Variants in CAB39L observed in about 807,000 individuals in gnomAD.
CAB39L encodes the protein calcium-binding protein 39-like.
A neutral mutation model predicts 39.1 loss-of-function variants in CAB39L; 23 were observed. The observed-to-expected ratio is 0.59, with a 90% CI of 0.42 to 0.83. The LOEUF is 0.83. CAB39L is among the 40% of genes least tolerant of loss of function. The pLI is 0.00. For missense variants in CAB39L, 366 were observed against 391.9 expected, an observed-to-expected ratio of 0.93 and a Z score of 0.56; for synonymous variants, 126 against 137.2, an observed-to-expected ratio of 0.92 and a Z score of 0.57.
intron 9 of CAB39L, among the ~76,000 whole-genome samples, chr13:49,333,602 C>A (rs1390821830): frequency 1.8e-4 from 23 of 130,974 alleles, no homozygotes; most frequent in Non-Finnish European, 3.4e-4. Context: ...GACAGAGTGT[C>A]ACTCTGTCGC....
chr13:49,402,065 T>C (rs915329527), intron 3 of CAB39L, among the ~76,000 whole-genome samples: 4 of 152,096 alleles, frequency 2.6e-5, no homozygotes, highest in Admixed American at 2.6e-4. Flanking sequence ...ATAAAGAACA[T>C]AGAAAAATAT....
chr13:49,340,918 C>G (rs1259935656), intron 8 of CAB39L, among the ~76,000 whole-genome samples: 1 of 152,112 alleles, frequency 6.6e-6, no homozygotes, highest in Non-Finnish European at 1.5e-5. Context: ...CTAAATTACA[C>G]AAGAAGTGAT....
chr13:49,403,970 A>C (rs117713587), intron 3 of CAB39L, among the ~76,000 whole-genome samples: 97 of 152,336 alleles, frequency 6.4e-4, no homozygotes, highest in Non-Finnish European at 1.1e-3. Context: ...GGGGAAACTT[A>C]AAAGAACCTA....
chr13:49,310,588 A>C lies in CAB39L; in HGVS notation c.*226T>G. The C allele has an allele frequency of 2.3e-6, 1 of 432,860 alleles. No homozygotes were observed. Among genetic ancestry groups the C allele is most frequent in the Non-Finnish European group, 4.1e-6 (1 of 243,934 alleles). The allele number at this position is 432,860 out of a possible 1,614,324, so 26.8% of individuals were successfully genotyped here. On this transcript the variant is annotated 3_prime_UTR_variant, in exon 11 of 11. Coordinates refer to ENST00000409308, the MANE Select transcript of CAB39L (RefSeq NM_001079670.3). The stretch of plus-strand genomic sequence containing the variant: ...ATTGCTTTTATCAACATCTGATACA[A>C]TGGTTCTCATTTCACATAAATAATC...
intron 3 of CAB39L, among the ~76,000 whole-genome samples, chr13:49,411,207 G>A (rs577427809): frequency 6.6e-6 from 1 of 152,084 alleles, no homozygotes; most frequent in African/African-American, 2.4e-5. Flanking sequence ...CCAGGAGTTT[G>A]AGACCAGCCT....
At chr13:49,323,200 A>T (rs1185406488) in intron 10 of CAB39L, among the ~76,000 whole-genome samples, 1 of 152,142 alleles carries the variant, frequency 6.6e-6, no homozygotes, top group African/African-American at 2.4e-5. Flanking sequence ...CAACCTCAAG[A>T]TTCCCAGAGC....
At chr13:49,396,117 A>T (rs887159429) in intron 3 of CAB39L, among the ~76,000 whole-genome samples, 2 of 151,646 alleles carry the variant, frequency 1.3e-5, no homozygotes, top group African/African-American at 2.4e-5. Flanking sequence ...AACTTAAAAA[A>T]ATAACATTTT....
At chr13:49,362,115 G>A (rs1007687371) in intron 5 of CAB39L, among the ~76,000 whole-genome samples, 2 of 151,508 alleles carry the variant, frequency 1.3e-5, no homozygotes, top group Admixed American at 1.3e-4. Flanking sequence ...ATGTAAATAT[G>A]TATATATACA....
chr13:49,412,086 A>G (rs796460866), intron 3 of CAB39L, among the ~76,000 whole-genome samples: 12 of 152,124 alleles, frequency 7.9e-5, no homozygotes, highest in African/African-American at 2.9e-4. Context: ...TGCCATCCCC[A>G]CTGGAGTTGA....
Position 49,426,610 on chromosome 13 carries a change from A to G in CAB39L, c.-32+6708T>C, listed in dbSNP as rs577385068. Among the ~76,000 whole-genome samples the G allele has an allele frequency of 1.6e-3, 240 of 152,244 alleles. 1 individual carries two copies. The highest frequency in any genetic ancestry group is 5.7e-3 in the African/African-American group (235 of 41,536). ...CCCGGCTAATTTTTATATTTTTAGT[A>G]GAGACGGGGTTTCACCGTGTTAGCC... On this transcript the variant is annotated intron_variant, in intron 3 of 10. Transcript: ENST00000409308.
intron 3 of CAB39L, among the ~76,000 whole-genome samples, chr13:49,395,236 T>C (rs1054359653): frequency 1.3e-5 from 2 of 151,036 alleles, no homozygotes; most frequent in Admixed American, 1.3e-4. Flanking sequence ...GTCTTTTCTT[T>C]CTTTTTTTTT....
chr13:49,309,566 T>G lies in CAB39L; in HGVS notation c.*1248A>C, dbSNP rs577811664. 9.2e-5 allele frequency: 14 copies of G among 152,338 alleles called. No homozygotes were observed. Among genetic ancestry groups the G allele is most frequent in the African/African-American group, 3.4e-4 (14 of 41,582 alleles). The allele number at this position is 152,338 out of a possible 1,614,324, so 9.4% of individuals were successfully genotyped here. On this transcript the variant is annotated 3_prime_UTR_variant, in exon 11 of 11. Coordinates refer to ENST00000409308, the MANE Select transcript of CAB39L (RefSeq NM_001079670.3). ...CCTTTCATTCTTGTAAAATATCGCT[T>G]TAAAATCCCGTTTTAGATGGTTGAT...
At chr13:49,366,637 A>C (rs886636955) in intron 5 of CAB39L, among the ~76,000 whole-genome samples, 1 of 149,970 alleles carries the variant, frequency 6.7e-6, no homozygotes, top group African/African-American at 2.4e-5. Context: ...AAAAAAAAAA[A>C]AAAAAAAAAA....
intron 3 of CAB39L, among the ~76,000 whole-genome samples, chr13:49,390,940 T>C (rs1956476480): frequency 6.6e-6 from 1 of 151,644 alleles, no homozygotes; most frequent in Non-Finnish European, 1.5e-5. Context: ...GATGAGAGAG[T>C]AACAAATACA....
At chr13:49,329,222 T>C (rs1252592152) in intron 10 of CAB39L, among the ~76,000 whole-genome samples, 5 of 152,148 alleles carry the variant, frequency 3.3e-5, no homozygotes, top group Admixed American at 3.3e-4. Flanking sequence ...AGTCTTAATA[T>C]CTGGTAGAGA....
intron 9 of CAB39L, among the ~76,000 whole-genome samples, chr13:49,333,327 C>T (rs1954761635): frequency 6.6e-6 from 1 of 152,110 alleles, no homozygotes; most frequent in African/African-American, 2.4e-5. Flanking sequence ...TTTCTTTGCT[C>T]CTGGTTTCCT....
intron 10 of CAB39L, among the ~76,000 whole-genome samples, chr13:49,325,474 T>C (rs1225080839): frequency 2.0e-5 from 3 of 152,194 alleles, no homozygotes; most frequent in Admixed American, 6.5e-5. Context: ...ACCATGACCA[T>C]AGTAGTTTGG....
chr13:49,337,681 G>A (rs560388378), intron 9 of CAB39L, among the ~76,000 whole-genome samples: 1 of 150,430 alleles, frequency 6.6e-6, no homozygotes, highest in Admixed American at 6.6e-5. Flanking sequence ...TTAGCCCTCT[G>A]TTTAAAGATC....
intron 3 of CAB39L, among the ~76,000 whole-genome samples, chr13:49,422,036 A>G (rs1456926949): frequency 3.3e-5 from 5 of 152,146 alleles, no homozygotes; most frequent in Admixed American, 1.3e-4. Context: ...CCAAGAACCA[A>G]TAAAGATCTC....
Sources: gnomAD v4.1 joint callset for allele counts (sites outside exome capture counted in the v4.1 genomes callset) on GRCh38, gnomAD v4.1.1 for gene constraint, MANE v1.5 for transcripts, NCBI Gene and HGNC (gene_info 2026-07-23, HGNC 2026-07-21) for gene names.